The following PTPRD variants were observed in gnomAD, a reference collection of about 807,000 sequenced individuals.
PTPRD encodes protein tyrosine phosphatase receptor type D, also known as receptor-type tyrosine-protein phosphatase delta.
PTPRD carries 34 observed loss-of-function variants against 214.5 expected under a neutral mutation model. That is an observed-to-expected ratio of 0.16 (90% CI 0.12 to 0.21). PTPRD has a LOEUF of 0.21. Ranked by LOEUF, PTPRD falls within the 10% of genes least tolerant of loss-of-function variation. The pLI is 1.00. For missense variants in PTPRD, 2,545 were observed against 2,398.7 expected, an observed-to-expected ratio of 1.06 and a Z score of -1.27; for synonymous variants, 1,128 against 845.7, an observed-to-expected ratio of 1.33 and a Z score of -5.79.
chr9:8,330,859 A>T (rs10976961), intron 44 of PTPRD, among the ~76,000 whole-genome samples: 18 of 151,976 alleles, frequency 1.2e-4, no homozygotes, highest in Non-Finnish European at 2.4e-4. Context: ...GTTTCACCAT[A>T]AAAAGATTAG....
chr9:10,216,115 T>A (rs1373347885), intron 3 of PTPRD, among the ~76,000 whole-genome samples: 1 of 152,030 alleles, frequency 6.6e-6, no homozygotes, highest in Non-Finnish European at 1.5e-5. Flanking sequence ...CTGTCTTTAT[T>A]TAAAATGTTG....
chr9:9,416,626 G>A (rs528455120), intron 8 of PTPRD, among the ~76,000 whole-genome samples: 3 of 152,038 alleles, frequency 2.0e-5, no homozygotes, highest in Admixed American at 6.6e-5. Context: ...TATGCTCAAG[G>A]ACGTGCTCTC....
chr9:8,437,220 G>T, intron 34 of PTPRD: 1 of 1,523,120 alleles, frequency 6.6e-7, no homozygotes, highest in Non-Finnish European at 8.8e-7. Context: ...GGTTACCAGG[G>T]TAACCGGAAT....
intron 8 of PTPRD, among the ~76,000 whole-genome samples, chr9:9,537,857 T>G (rs1231580988): frequency 3.3e-5 from 5 of 151,978 alleles, no homozygotes; most frequent in Non-Finnish European, 7.4e-5. Context: ...CCAAATTCAT[T>G]TACATTTTAA....
intron 14 of PTPRD, among the ~76,000 whole-genome samples, chr9:8,627,279 C>T (rs1053698226): frequency 3.3e-5 from 5 of 151,774 alleles, no homozygotes; most frequent in African/African-American, 9.7e-5. Flanking sequence ...CACTGTCACA[C>T]GTACTGCAGC....
In PTPRD at chr9:10,124,011, T is replaced by G. The variant is rs114361863; in HGVS notation, c.-544-90221A>C. 3.5e-3 allele frequency among the ~76,000 whole-genome samples: 532 copies of G among 152,140 alleles called. 2 individuals are homozygous for G. The highest frequency in any genetic ancestry group is 0.012 in the African/African-American group (500 of 41,510). ...AAGCTATCTAATTTTGTATATGGAG[T>G]GGAAACCCTGGAAGGAACATCTGAG... On this transcript the variant is annotated intron_variant, in intron 3 of 45. Transcript: ENST00000381196.
chr9:9,100,215 T>C (rs2099789393), intron 10 of PTPRD, among the ~76,000 whole-genome samples: 1 of 152,054 alleles, frequency 6.6e-6, no homozygotes. Context: ...TTACCATAAT[T>C]CAAAAACATA....
rs866994080 is a variant in PTPRD, at chr9:10,530,065, A to G, written c.-600+82333T>C. Among the ~76,000 whole-genome samples, 3 of 152,290 alleles carry G rather than the reference A, an allele frequency of 2.0e-5. No homozygotes were observed. The South Asian group carries it at 6.2e-4, about 32-fold the overall frequency. On this transcript the variant is annotated intron_variant, in intron 2 of 45. Transcript: ENST00000381196. The stretch of plus-strand genomic sequence containing the variant: ...CTGCACATGTATCCCAGAACTTAAG[A>G]TTAAAAAAGTCAATTTAAAAAAAAT...
At chr9:9,426,555 G>A (rs935309950) in intron 8 of PTPRD, among the ~76,000 whole-genome samples, 2 of 152,218 alleles carry the variant, frequency 1.3e-5, no homozygotes, top group African/African-American at 4.8e-5. Context: ...TTTGAAGAGT[G>A]TAGTGGATCT....
At chr9:9,668,757 A>G (rs1402186273) in intron 7 of PTPRD, among the ~76,000 whole-genome samples, 1 of 152,080 alleles carries the variant, frequency 6.6e-6, no homozygotes, top group Non-Finnish European at 1.5e-5. Context: ...TTCATCTTTA[A>G]TTGATATCAT....
At chr9:9,049,281 T>C (rs2099679986) in intron 10 of PTPRD, among the ~76,000 whole-genome samples, 1 of 152,214 alleles carries the variant, frequency 6.6e-6, no homozygotes, top group South Asian at 2.1e-4. Context: ...TCAAGTCATT[T>C]CTGTAAGGCT....
intron 3 of PTPRD, among the ~76,000 whole-genome samples, chr9:10,146,823 T>C (rs1564120889): frequency 6.6e-6 from 1 of 152,158 alleles, no homozygotes; most frequent in Non-Finnish European, 1.5e-5. Context: ...GCTGAAGTTT[T>C]AGTCGTCCAT....
intron 10 of PTPRD, among the ~76,000 whole-genome samples, chr9:9,121,740 G>A (rs1417670997): frequency 2.0e-5 from 3 of 151,850 alleles, no homozygotes; most frequent in African/African-American, 7.3e-5. Context: ...TCAGGTGATG[G>A]GTGCATCAGG....
chr9:10,505,000 G>T (rs553857651), intron 2 of PTPRD, among the ~76,000 whole-genome samples: 2 of 152,244 alleles, frequency 1.3e-5, no homozygotes, highest in African/African-American at 2.4e-5. Flanking sequence ...ATTTTGAACT[G>T]CTCAAACACC....
chr9:9,071,320 C>A (rs2099743387), intron 10 of PTPRD, among the ~76,000 whole-genome samples: 1 of 152,124 alleles, frequency 6.6e-6, no homozygotes, highest in Non-Finnish European at 1.5e-5. Context: ...AGGGCTATTG[C>A]AGATATGCAA....
intron 9 of PTPRD, among the ~76,000 whole-genome samples, chr9:9,341,264 G>C (rs1046791204): frequency 6.6e-6 from 1 of 151,994 alleles, no homozygotes; most frequent in African/African-American, 2.4e-5. Flanking sequence ...TCCATCTGTA[G>C]GCTCAGCCTG....
intron 2 of PTPRD, among the ~76,000 whole-genome samples, chr9:10,424,685 C>A (rs1244482822): frequency 6.6e-6 from 1 of 151,824 alleles, no homozygotes; most frequent in East Asian, 2.0e-4. Flanking sequence ...CCCAGAGTCA[C>A]CGAGTTTCTA....
In PTPRD at chr9:8,376,053, T is replaced by C. The variant is rs747777098; in HGVS notation, c.4544A>G (p.Gln1515Arg). 10 of 1,612,898 alleles carry C rather than the reference T, an allele frequency of 6.2e-6. No homozygotes were observed. The highest frequency in any genetic ancestry group is 8.5e-6 in the Non-Finnish European group (10 of 1,179,230). The change falls in exon 39 of 46, where the codon CAG becomes CGG. Residue 1515 changes from glutamine (Q) to arginine (R), a missense_variant. By Grantham distance (43) the Gln-to-Arg change is conservative. Coordinates refer to ENST00000381196, the MANE Select transcript of PTPRD (RefSeq NM_002839.4). Reference protein sequence around the residue: ...SSEKREVRQFQFTAWPDHGVP... With the variant: ...SSEKREVRQFRFTAWPDHGVP... ...ACCATGATCAGGCCAGGCGGTGAACTGGAATTGTCTCACTTCTCTCTTCTC... is the reference window on the plus strand; with the variant it reads ...ACCATGATCAGGCCAGGCGGTGAACCGGAATTGTCTCACTTCTCTCTTCTC...
rs181459263 is a variant in PTPRD at position 10,091,742 on chromosome 9, C to A, written c.-544-57952G>T. The stretch of plus-strand genomic sequence containing the variant: ...ATAAGACTGTTACAGATCATGATTG[C>A]AAATCCATATATTCTTCATAAATAA... On this transcript the variant is annotated intron_variant, in intron 3 of 45. Transcript: ENST00000381196. Among the ~76,000 whole-genome samples, 189 of 149,408 alleles carry A rather than the reference C, an allele frequency of 1.3e-3. 2 individuals are homozygous for A. Among genetic ancestry groups the A allele is most frequent in the African/African-American group, 4.5e-3 (181 of 40,454 alleles).
Sources: allele counts gnomAD v4.1 joint callset (sites outside exome capture counted in the v4.1 genomes callset), GRCh38; gene constraint gnomAD v4.1.1; transcripts MANE v1.5; gene names NCBI Gene and HGNC (gene_info 2026-07-23, HGNC 2026-07-21).